The following RBL1 variants were observed in gnomAD, a reference collection of about 807,000 sequenced individuals.
The protein encoded by RBL1 is RB transcriptional corepressor like 1.
RBL1 carries 82 observed loss-of-function variants against 123.0 expected under a neutral mutation model. The ratio of observed to expected loss-of-function variants is 0.67; its 90% CI spans 0.56 to 0.80. RBL1 has a LOEUF of 0.80. Ranked by LOEUF, RBL1 falls within the 30% of genes least tolerant of loss-of-function variation. The pLI, the probability that RBL1 is intolerant of heterozygous loss-of-function variation, is 0.00. For synonymous variants in RBL1, 405 were observed against 441.3 expected, an observed-to-expected ratio of 0.92 and a Z score of 1.03; for missense variants, 1,171 against 1,299.6, an observed-to-expected ratio of 0.90 and a Z score of 1.52.
chr20:37,022,792 A>C lies in RBL1; in HGVS notation c.2417T>G (p.Leu806Arg), dbSNP rs770017872. 1 of 1,613,260 alleles carries C rather than the reference A, an allele frequency of 6.2e-7. No individual in the cohort carries two copies. Among genetic ancestry groups the C allele is most frequent in the South Asian group, 1.1e-5 (1 of 91,010 alleles). The part of the protein sequence containing the change: ...YHLASVRLRD[L>R]CLKLDVSNEL... ...ATTTGAAACATCCAGTTTTAGACAT[A>C]GATCACGTAAGCGTACACTTGCCAA... Residue 806 changes from leucine (L) to arginine (R), a missense_variant, in exon 17 of 22, where the codon CTA becomes CGA. Coordinates refer to ENST00000373664, the MANE Select transcript of RBL1 (RefSeq NM_002895.5).
At chr20:37,069,855 AGCCCCCCGCCCG>A (rs921454659) in intron 2 of RBL1, among the ~76,000 whole-genome samples, 7 of 149,494 alleles carry the variant, frequency 4.7e-5, no homozygotes, top group Non-Finnish European at 8.9e-5. Flanking sequence ...TGGGGGGGTC[AGCCCCCCGCCCG>A]GCCAGCCGCC....
At chr20:37,000,408 G>C (rs538302680) in intron 21 of RBL1, among the ~76,000 whole-genome samples, 1 of 113,660 alleles carries the variant, frequency 8.8e-6, no homozygotes. Context: ...CCCCATCCAG[G>C]AGGGAGGTGG....
chr20:37,081,010 T>C (rs975876475), intron 2 of RBL1, among the ~76,000 whole-genome samples: 1 of 152,170 alleles, frequency 6.6e-6, no homozygotes, highest in Non-Finnish European at 1.5e-5. Context: ...CCCAAAAATA[T>C]CTTGAGGTTC....
At chr20:37,065,500 A>C (rs2065164211) in intron 6 of RBL1, 27 bp from the exon 7 acceptor site, 1 of 1,526,598 alleles carries the variant, frequency 6.6e-7, no homozygotes, top group African/African-American at 1.4e-5. Flanking sequence ...ATTTTGGGAC[A>C]CCATATAATT....
rs777538899 is a variant in RBL1, at chr20:37,055,534, A to G, written c.1467+19T>C. 27 of 1,613,878 alleles carry G rather than the reference A, an allele frequency of 1.7e-5. No homozygotes were observed. In the Admixed American group the frequency reaches 4.5e-4, roughly 27 times the overall value. On this transcript the variant is annotated intron_variant, in intron 11 of 21. Transcript: ENST00000373664. Reference sequence around the variant, plus strand: ...GACTTTTGGACCTTGCCAGTAGCTCAGAGAGTGGATTTACTTACTGACATG... The same window carrying G: ...GACTTTTGGACCTTGCCAGTAGCTCGGAGAGTGGATTTACTTACTGACATG...
intron 16 of RBL1, among the ~76,000 whole-genome samples, chr20:37,024,625 G>C (rs1349473715): frequency 6.6e-6 from 1 of 152,076 alleles, no homozygotes; most frequent in Non-Finnish European, 1.5e-5. Context: ...AGACATTTCA[G>C]TTCCTTTTAT....
intron 14 of RBL1, among the ~76,000 whole-genome samples, chr20:37,039,630 C>T (rs1439131160): frequency 6.6e-6 from 1 of 152,210 alleles, no homozygotes; most frequent in Non-Finnish European, 1.5e-5. Context: ...CCATGTGGAA[C>T]TGTGAGTAAA....
Position 37,080,169 on chromosome 20 carries a change from A to AT in RBL1, c.290+8819dup, listed in dbSNP as rs1568888304. 2.0e-5 allele frequency among the ~76,000 whole-genome samples: 3 copies of AT among 150,094 alleles called. No homozygotes were observed. In the East Asian group the frequency reaches 5.9e-4, roughly 29 times the overall value. ...TTATTTTATTTATTTATTTGATTTT[A>AT]TTTTTTGAGACAAGAGTCTCGCTCT... On this transcript the variant is annotated intron_variant, in intron 2 of 21. Transcript: ENST00000373664.
chr20:37,032,914 G>A, intron 15 of RBL1, 38 bp from the exon 16 acceptor site: 1 of 1,606,966 alleles, frequency 6.2e-7, no homozygotes, highest in South Asian at 1.1e-5. Context: ...ATCTGCATAT[G>A]TTCTAGGAAA....
At chr20:37,058,130 C>CAAAAAA (rs1568865641) in intron 9 of RBL1, among the ~76,000 whole-genome samples, 1 of 116,800 alleles carries the variant, frequency 8.6e-6, no homozygotes, top group Non-Finnish European at 1.8e-5. Context: ...AAAAAAAAAA[C>CAAAAAA]AAAACAAAAC....
In RBL1 at chr20:36,998,754, C is replaced by A; in HGVS notation, c.*5G>T. The A allele has an allele frequency of 6.2e-7, 1 of 1,604,334 alleles. No individual in the cohort carries two copies. Among genetic ancestry groups the A allele is most frequent in the Non-Finnish European group, 8.5e-7 (1 of 1,174,878 alleles). ...AGTGCTTTTATCATAGAAACAAGAA[C>A]AACATTAATGATTTGCTCTTTCACT... On this transcript the variant is annotated 3_prime_UTR_variant, in exon 22 of 22. Coordinates refer to ENST00000373664, the MANE Select transcript of RBL1 (RefSeq NM_002895.5).
At chr20:37,083,319 T>C (rs1319892979) in intron 2 of RBL1, among the ~76,000 whole-genome samples, 1 of 149,462 alleles carries the variant, frequency 6.7e-6, no homozygotes, top group Non-Finnish European at 1.5e-5. Flanking sequence ...AATACAAAAA[T>C]TACCTGAGCG....
Position 37,026,396 on chromosome 20 carries a change from A to G in RBL1, c.2383-3570T>C, listed in dbSNP as rs2064422345. On this transcript the variant is annotated intron_variant, in intron 16 of 21. Coordinates refer to ENST00000373664, the MANE Select transcript of RBL1 (RefSeq NM_002895.5). ...AAATTAAAGAAGATTTATTTAGCAT[A>G]GAGAAAAAAGGACATATAAAAAATT... 3.3e-5 allele frequency among the ~76,000 whole-genome samples: 5 copies of G among 152,166 alleles called. No individual in the cohort carries two copies. In the South Asian group the frequency reaches 1.0e-3, roughly 32 times the overall value.
At position 37,035,231 on chromosome 20, in the gene RBL1, T is replaced by C. The variant is rs778430338; in HGVS notation, c.2170+11A>G. The C allele has an allele frequency of 1.9e-6, 3 of 1,607,628 alleles. No homozygotes were observed. The highest frequency in any genetic ancestry group is 2.2e-5 in the South Asian group (2 of 90,440). ...CAGAAAAAGTACAAAACAAATGCAC[T>C]ATAACGTTACCATGTAATGGAATTG... On this transcript the variant is annotated intron_variant, in intron 15 of 21. Transcript: ENST00000373664.
At chr20:37,069,548 G>A (rs1363947769) in intron 2 of RBL1, among the ~76,000 whole-genome samples, 1 of 151,880 alleles carries the variant, frequency 6.6e-6, no homozygotes, top group African/African-American at 2.4e-5. Context: ...TGGGAGGTGA[G>A]GAGCATCTCT....
intron 19 of RBL1, among the ~76,000 whole-genome samples, chr20:37,012,789 G>A (rs2064182270): frequency 6.7e-6 from 1 of 150,048 alleles, no homozygotes. Flanking sequence ...GAGGGAGGTG[G>A]GGGGGTCAGC....
At chr20:37,025,603 C>T (rs1158727654) in intron 16 of RBL1, among the ~76,000 whole-genome samples, 1 of 151,984 alleles carries the variant, frequency 6.6e-6, no homozygotes, top group Admixed American at 6.6e-5. Context: ...ACTTCTAGGA[C>T]AGGTTCTGAA....
intron 3 of RBL1, among the ~76,000 whole-genome samples, chr20:37,067,783 A>C (rs1031164269): frequency 2.7e-5 from 4 of 148,136 alleles, no homozygotes; most frequent in African/African-American, 1.0e-4. Context: ...AAAAAAAAAA[A>C]AAAAAAAACA....
At chr20:37,089,823 G>C (rs1568897690) in intron 1 of RBL1, among the ~76,000 whole-genome samples, 1 of 152,214 alleles carries the variant, frequency 6.6e-6, no homozygotes, top group East Asian at 1.9e-4. Flanking sequence ...GGCTGGAGCG[G>C]GTGAATCACT....
Sources: gnomAD v4.1 joint callset for allele counts (sites outside exome capture counted in the v4.1 genomes callset) on GRCh38, gnomAD v4.1.1 for gene constraint, MANE v1.5 for transcripts, NCBI Gene and HGNC (gene_info 2026-07-23, HGNC 2026-07-21) for gene names.